Variants in PLA2G2D observed in about 807,000 individuals in gnomAD.
PLA2G2D encodes the protein phospholipase A2 group IID, also known as group IID secretory phospholipase A2.
In PLA2G2D, 17 loss-of-function variants were observed where a neutral mutation model predicts 13.9. That is an observed-to-expected ratio of 1.23 (90% CI 0.84 to 1.84). The LOEUF (loss-of-function observed/expected upper bound fraction) is 1.84, where lower values mean the gene tolerates loss of function less well. PLA2G2D is among the 40% of genes most tolerant of loss of function. The probability of loss-of-function intolerance (pLI) is 0.00; values close to 1 mark genes in which losing one functional copy is unlikely to be tolerated. For missense variants in PLA2G2D, 194 were observed against 178.7 expected (o/e 1.09, Z -0.49); for synonymous variants, 83 against 69.3 (o/e 1.20, Z -0.98).
At position 20,113,935 on chromosome 1, in the gene PLA2G2D, G is replaced by A; in HGVS notation, c.*179C>T. The A allele has an allele frequency of 1.8e-6, 1 of 542,474 alleles. No homozygotes were observed. The highest frequency in any genetic ancestry group is 3.3e-6 in the Non-Finnish European group (1 of 300,458). The allele number at this position is 542,474 out of a possible 1,614,324, so 33.6% of individuals were successfully genotyped here. On this transcript the variant is annotated 3_prime_UTR_variant, in exon 4 of 4. Transcript: ENST00000375105. Reference sequence around the variant, plus strand: ...TCCACCCTCAGAGGACACAGCTACTGCCTCAACTGGGAGGATTCGGAAAGC... The same window carrying A: ...TCCACCCTCAGAGGACACAGCTACTACCTCAACTGGGAGGATTCGGAAAGC...
intron 1 of PLA2G2D, among the ~76,000 whole-genome samples, chr1:20,117,511 T>C (rs2100676000): frequency 6.6e-6 from 1 of 152,344 alleles, no homozygotes; most frequent in South Asian, 2.1e-4. Flanking sequence ...AACTGCTGAT[T>C]AGAATTGATA....
At chr1:20,119,405 G>A in intron 1 of PLA2G2D, 54 bp downstream of exon 1, 1 of 1,460,358 alleles carries the variant, frequency 6.8e-7, no homozygotes. Flanking sequence ...AGAGCACAGG[G>A]GTACACTGGC....
chr1:20,115,541 G>A lies in PLA2G2D; in HGVS notation c.258C>T (p.Tyr86=). 1 of 1,610,980 alleles carries A rather than the reference G, an allele frequency of 6.2e-7. No homozygotes were observed. Among genetic ancestry groups the A allele is most frequent in the Non-Finnish European group, 8.5e-7 (1 of 1,177,162 alleles). ...TQGCSIYKDY[Y]RYNFSQGNIH... Reference sequence around the variant, plus strand: ...TGTTCCCCTGGGAAAAGTTGTATCTGTAATAGTCCTTGTAGATGCTGCACC... The same window carrying A: ...TGTTCCCCTGGGAAAAGTTGTATCTATAATAGTCCTTGTAGATGCTGCACC... Residue 86 remains tyrosine, a synonymous_variant, in exon 3 of 4, where the codon TAC becomes TAT. Transcript: ENST00000375105.
rs1407146329 is a variant in PLA2G2D at position 20,112,516 on chromosome 1, G to A, written c.*1598C>T. On this transcript the variant is annotated 3_prime_UTR_variant, in exon 4 of 4. Transcript: ENST00000375105. Reference sequence around the variant, plus strand: ...ACAGATGGTGCCACAGGCCCAGAGTGTGGGTGACTGCAGGTGCCTCAGCCC... The same window carrying A: ...ACAGATGGTGCCACAGGCCCAGAGTATGGGTGACTGCAGGTGCCTCAGCCC... 2 of 152,154 alleles carry A rather than the reference G, an allele frequency of 1.3e-5. No homozygotes were observed. The highest frequency in any genetic ancestry group is 2.9e-5 in the Non-Finnish European group (2 of 68,040). 9.4% of individuals were successfully genotyped at this position (152,154 alleles called of 1,614,324 possible).
Position 20,119,485 on chromosome 1 carries a change from A to G in PLA2G2D, c.14T>C (p.Leu5Pro). Reference protein sequence around the residue: MELALLCGLVVMAGV... With the variant: MELAPLCGLVVMAGV... ...AGCCATCACCACCAGCCCACACAGCAGTGCAAGTTCCATGATCCCAGCACA... is the reference window on the plus strand; with the variant it reads ...AGCCATCACCACCAGCCCACACAGCGGTGCAAGTTCCATGATCCCAGCACA... Residue 5 changes from leucine to proline, a missense_variant, in exon 1 of 4, where the codon CTG (leucine) becomes CCG (proline). Physicochemically the swap from Leu to Pro is moderately conservative, Grantham distance 98. Coordinates refer to ENST00000375105, the MANE Select transcript of PLA2G2D (RefSeq NM_012400.4). The G allele has an allele frequency of 6.2e-7, 1 of 1,613,906 alleles. No individual in the cohort carries two copies. The highest frequency in any genetic ancestry group is 1.1e-5 in the South Asian group (1 of 91,070).
chr1:20,113,988 G>A lies in PLA2G2D; in HGVS notation c.*126C>T. 3.8e-6 allele frequency: 3 copies of A among 784,184 alleles called. No individual in the cohort carries two copies. Among genetic ancestry groups the A allele is most frequent in the Non-Finnish European group, 6.2e-6 (3 of 484,880 alleles). 48.6% of individuals were successfully genotyped at this position (784,184 alleles called of 1,614,324 possible). A position where few individuals can be genotyped will look rare whatever the true frequency, so the allele number is the denominator to read the frequency against. On this transcript the variant is annotated 3_prime_UTR_variant, in exon 4 of 4. Coordinates refer to ENST00000375105, the MANE Select transcript of PLA2G2D (RefSeq NM_012400.4). ...CAGAAGGTCAGAAGGCATTGGTAGA[G>A]GGTTCCGGGGGAGGCTGGGACTACC... is the stretch of plus-strand genomic sequence containing the variant.
In PLA2G2D at chr1:20,115,583, G is replaced by T. The variant is rs758791852; in HGVS notation, c.216C>A (p.Asp72Glu). ...WCCQTHDCCY[D>E]HLKTQGCSIY... ...TGCTGCACCCCTGGGTCTTCAGGTG[G>T]TCATAGCAGCAGTCATGGGTCTGGC... The change falls in exon 3 of 4, where the codon GAC becomes GAA. Residue 72 changes from aspartate to glutamate, a missense_variant. Transcript: ENST00000375105. The T allele has an allele frequency of 1.2e-6, 2 of 1,612,600 alleles. No individual in the cohort carries two copies. Among genetic ancestry groups the T allele is most frequent in the South Asian group, 2.2e-5 (2 of 91,036 alleles).
chr1:20,116,552 C>T (rs560745553), intron 1 of PLA2G2D, 75 bp from the exon 2 acceptor site: 7 of 1,415,378 alleles, frequency 4.9e-6, no homozygotes, highest in Non-Finnish European at 7.0e-6. Flanking sequence ...CAGGACGGCA[C>T]CTCTGCTCTG....
chr1:20,114,004 T>A lies in PLA2G2D; in HGVS notation c.*110A>T, dbSNP rs2100672936. The A allele has an allele frequency of 1.0e-6, 1 of 977,266 alleles. No individual in the cohort carries two copies. The highest frequency in any genetic ancestry group is 1.6e-5 in the African/African-American group (1 of 61,306). 60.5% of individuals were successfully genotyped at this position (977,266 alleles called of 1,614,324 possible). A position where few individuals can be genotyped will look rare whatever the true frequency, so the allele number is the denominator to read the frequency against. On this transcript the variant is annotated 3_prime_UTR_variant, in exon 4 of 4. Transcript: ENST00000375105. ...ATTGGTAGAGGGTTCCGGGGGAGGCTGGGACTACCTCCCCCCGGAGTGTTT... is the reference window on the plus strand; with the variant it reads ...ATTGGTAGAGGGTTCCGGGGGAGGCAGGGACTACCTCCCCCCGGAGTGTTT...
chr1:20,114,403 T>A, intron 3 of PLA2G2D, 144 bp from the exon 4 acceptor site: 1 of 769,538 alleles, frequency 1.3e-6, no homozygotes, highest in Non-Finnish European at 2.1e-6. Flanking sequence ...GCTGCATGAC[T>A]TGGCCACGTA....
At position 20,114,148 on chromosome 1, in the gene PLA2G2D, C is replaced by A. The variant is rs201515699; in HGVS notation, c.404G>T (p.Arg135Leu). The A allele has an allele frequency of 3.7e-6, 6 of 1,613,618 alleles. No homozygotes were observed. Among genetic ancestry groups the A allele is most frequent in the Non-Finnish European group, 3.4e-6 (4 of 1,179,950 alleles). Reference protein sequence around the residue: ...TYQKRLRFYWRPHCRGQTPGC With the variant: ...TYQKRLRFYWLPHCRGQTPGC ...AGGGGTCTGCCCCCGGCAGTGGGGC[C>A]GCCAGTAGAAACGCAGTCGCTTCTG... is the stretch of plus-strand genomic sequence containing the variant. Residue 135 changes from arginine (R) to leucine (L), a missense_variant, in exon 4 of 4, where the codon CGG becomes CTG. Transcript: ENST00000375105.
chr1:20,116,272 G>T (rs2016987728), intron 2 of PLA2G2D, 61 bp downstream of exon 2: 1 of 1,520,368 alleles, frequency 6.6e-7, no homozygotes, highest in Non-Finnish European at 9.1e-7. Flanking sequence ...TGGGTGGAGA[G>T]AAAAGAAGAG....
chr1:20,118,194 G>A (rs2017026754), intron 1 of PLA2G2D, among the ~76,000 whole-genome samples: 1 of 152,094 alleles, frequency 6.6e-6, no homozygotes, highest in African/African-American at 2.4e-5. Context: ...CTTTCTTAGG[G>A]TACCCCGGTC....
In PLA2G2D at chr1:20,115,586, A is replaced by G; in HGVS notation, c.213T>C (p.Tyr71=). 1 of 1,612,702 alleles carries G rather than the reference A, an allele frequency of 6.2e-7. No homozygotes were observed. Among genetic ancestry groups the G allele is most frequent in the Non-Finnish European group, 8.5e-7 (1 of 1,178,724 alleles). Residue 71 remains tyrosine (Y), a synonymous_variant, in exon 3 of 4, where the codon TAT becomes TAC. Coordinates refer to ENST00000375105, the MANE Select transcript of PLA2G2D (RefSeq NM_012400.4). Reference sequence around the variant, plus strand: ...TGCACCCCTGGGTCTTCAGGTGGTCATAGCAGCAGTCATGGGTCTGGCAGC... The same window carrying G: ...TGCACCCCTGGGTCTTCAGGTGGTCGTAGCAGCAGTCATGGGTCTGGCAGC... The part of the protein sequence containing the change: ...DWCCQTHDCC[Y]DHLKTQGCSI...
Position 20,114,182 on chromosome 1 carries a change from C to T in PLA2G2D, c.370G>A (p.Asp124Asn). 1 of 1,613,500 alleles carries T rather than the reference C, an allele frequency of 6.2e-7. No homozygotes were observed. Among genetic ancestry groups the T allele is most frequent in the South Asian group, 1.1e-5 (1 of 91,078 alleles). ...AAACGCAGTCGCTTCTGGTAGGTGT[C>T]CAGGTTGCGCTTCAGGCAGAAGGCC... ...EVAFCLKRNL[D>N]TYQKRLRFYW... Residue 124 changes from aspartate (D) to asparagine (N), a missense_variant, in exon 4 of 4, where the codon GAC (aspartate) becomes AAC (asparagine). Physicochemically the swap from Asp to Asn is conservative, Grantham distance 23. Transcript: ENST00000375105.
Position 20,114,043 on chromosome 1 carries a change from G to A in PLA2G2D, c.*71C>T. 6.9e-7 allele frequency: 1 copy of A among 1,446,662 alleles called. No homozygotes were observed. The highest frequency in any genetic ancestry group is 9.5e-7 in the Non-Finnish European group (1 of 1,054,366). 89.6% of individuals were successfully genotyped at this position (1,446,662 alleles called of 1,614,324 possible). A position where few individuals can be genotyped will look rare whatever the true frequency, so the allele number is the denominator to read the frequency against. On this transcript the variant is annotated 3_prime_UTR_variant, in exon 4 of 4. Transcript: ENST00000375105. ...CCCGGAGTGTTTGAAAAGCCAGGCTGGTTCAGGTTAGATACTGAGGTGGGG... is the reference window on the plus strand; with the variant it reads ...CCCGGAGTGTTTGAAAAGCCAGGCTAGTTCAGGTTAGATACTGAGGTGGGG...
chr1:20,113,548 A>G lies in PLA2G2D; in HGVS notation c.*566T>C, dbSNP rs41264129. On this transcript the variant is annotated 3_prime_UTR_variant, in exon 4 of 4. Coordinates refer to ENST00000375105, the MANE Select transcript of PLA2G2D (RefSeq NM_012400.4). Reference sequence around the variant, plus strand: ...TCTTGGTTCTGGTGTTGCTTTGGGCACCAGGGATGCAACTGAGTTTAAGAC... The same window carrying G: ...TCTTGGTTCTGGTGTTGCTTTGGGCGCCAGGGATGCAACTGAGTTTAAGAC... 9,129 of 152,174 alleles carry G rather than the reference A, an allele frequency of 0.06. 384 individuals are homozygous for G. The highest frequency in any genetic ancestry group is 0.12 in the South Asian group (593 of 4,796). The allele number at this position is 152,174 out of a possible 1,614,324, so 9.4% of individuals were successfully genotyped here. A position where few individuals can be genotyped will look rare whatever the true frequency, so the allele number is the denominator to read the frequency against.
At chr1:20,114,318 G>C in intron 3 of PLA2G2D, 59 bp from the exon 4 acceptor site, 2 of 1,536,548 alleles carry the variant, frequency 1.3e-6, no homozygotes, top group Non-Finnish European at 8.9e-7. Flanking sequence ...AGGCAGGTAT[G>C]AGTCTAGCAG....
At position 20,115,624 on chromosome 1, in the gene PLA2G2D, C is replaced by T. The variant is rs1288139649; in HGVS notation, c.186-11G>A. On this transcript the variant is annotated splice_polypyrimidine_tract_variant and intron_variant, in intron 2 of 3. Coordinates refer to ENST00000375105, the MANE Select transcript of PLA2G2D (RefSeq NM_012400.4). ...TGGGTCTGGCAGCACCTGGAGCAGA[C>T]AGGGTGCACAGCTGCATGGGTCCCC... 5 of 1,550,532 alleles carry T rather than the reference C, an allele frequency of 3.2e-6. No individual in the cohort carries two copies. The African/African-American group carries it at 5.4e-5, about 17-fold the overall frequency.
Sources: gnomAD v4.1 joint callset for allele counts (sites outside exome capture counted in the v4.1 genomes callset) on GRCh38, gnomAD v4.1.1 for gene constraint, MANE v1.5 for transcripts, NCBI Gene and HGNC (gene_info 2026-07-23, HGNC 2026-07-21) for gene names.